Variants in NUAK1 observed in about 807,000 individuals in gnomAD.
The protein encoded by NUAK1 is NUAK family SNF1-like kinase 1.
A neutral mutation model predicts 56.9 loss-of-function variants in NUAK1; 26 were observed. That is an observed-to-expected ratio of 0.46 (90% CI 0.33 to 0.63). NUAK1 has a LOEUF of 0.63. Ranked by LOEUF, NUAK1 falls within the 30% of genes least tolerant of loss-of-function variation. The pLI, the probability that NUAK1 is intolerant of heterozygous loss-of-function variation, is 0.02. For synonymous variants in NUAK1, 337 were observed against 336.0 expected (o/e 1.00, Z -0.03); for missense variants, 727 against 876.1 (o/e 0.83, Z 2.15).
intron 1 of NUAK1, among the ~76,000 whole-genome samples, chr12:106,113,739 T>G (rs1453438891): frequency 6.6e-6 from 1 of 150,894 alleles, no homozygotes; most frequent in Non-Finnish European, 1.5e-5. Context: ...AAACACAGGC[T>G]TCCTTGAGGG....
At chr12:106,074,136 T>C (rs2032437939) in intron 4 of NUAK1, among the ~76,000 whole-genome samples, 2 of 152,178 alleles carry the variant, frequency 1.3e-5, no homozygotes, top group Admixed American at 6.5e-5. Context: ...CCTCCCCTTA[T>C]CTTTGTATCA....
At chr12:106,099,980 C>T (rs369111713) in intron 2 of NUAK1, among the ~76,000 whole-genome samples, 6 of 148,312 alleles carry the variant, frequency 4.0e-5, no homozygotes, top group African/African-American at 1.5e-4. Context: ...TTGGTAGAGA[C>T]GGGGTTTCAC....
Position 106,063,377 on chromosome 12 carries a change from T to C in NUAK1, c.*3425A>G, listed in dbSNP as rs1410329451. 1.3e-5 allele frequency: 2 copies of C among 152,220 alleles called. No individual in the cohort carries two copies. Among genetic ancestry groups the C allele is most frequent in the East Asian group, 3.9e-4 (2 of 5,180 alleles). 9.4% of individuals were successfully genotyped at this position (152,220 alleles called of 1,614,324 possible). A position where few individuals can be genotyped will look rare whatever the true frequency, so the allele number is the denominator to read the frequency against. On this transcript the variant is annotated 3_prime_UTR_variant, in exon 7 of 7. Transcript: ENST00000261402. ...CATTGCAATTTATTTAATTTAAAAATAAAAACAGAAACAAAAACCAAAATG... is the reference window on the plus strand; with the variant it reads ...CATTGCAATTTATTTAATTTAAAAACAAAAACAGAAACAAAAACCAAAATG...
chr12:106,083,777 T>G, intron 4 of NUAK1, 87 bp downstream of exon 4: 1 of 1,185,994 alleles, frequency 8.4e-7, no homozygotes, highest in Admixed American at 1.8e-5. Context: ...CTGCCTTATT[T>G]CCAGGCTGCG....
At chr12:106,088,535 G>A (rs1039643677) in intron 2 of NUAK1, among the ~76,000 whole-genome samples, 1 of 152,158 alleles carries the variant, frequency 6.6e-6, no homozygotes, top group Admixed American at 6.5e-5. Context: ...AAAAACTATA[G>A]TGTTGGAATG....
At chr12:106,118,286 C>T (rs2032939635) in intron 1 of NUAK1, among the ~76,000 whole-genome samples, 1 of 152,212 alleles carries the variant, frequency 6.6e-6, no homozygotes, top group Admixed American at 6.5e-5. Flanking sequence ...CCCCAAGTTT[C>T]CACAGGTCAC....
intron 1 of NUAK1, among the ~76,000 whole-genome samples, chr12:106,126,858 T>C (rs77479113): frequency 0.014 from 2,151 of 152,184 alleles, 48 homozygotes; most frequent in African/African-American, 0.048. Flanking sequence ...CACAGGGAGA[T>C]CCTGAGAGCA....
At chr12:106,106,605 TAC>T (rs1282862711) in intron 1 of NUAK1, 80 bp from the exon 2 acceptor site, 1 of 1,428,638 alleles carries the variant, frequency 7.0e-7, no homozygotes, top group Non-Finnish European at 9.5e-7. Flanking sequence ...GGAAAATAAA[TAC>T]AGATGTTACT....
intron 2 of NUAK1, among the ~76,000 whole-genome samples, chr12:106,099,722 G>A (rs1419523308): frequency 1.3e-5 from 2 of 152,120 alleles, no homozygotes; most frequent in Non-Finnish European, 2.9e-5. Flanking sequence ...GGTTAAGTGA[G>A]ATAGTACATG....
chr12:106,131,167 C>A (rs530387404), intron 1 of NUAK1, among the ~76,000 whole-genome samples: 2 of 152,276 alleles, frequency 1.3e-5, no homozygotes, highest in South Asian at 2.1e-4. Context: ...CTGAGCCCCC[C>A]CCTTTTTAAG....
intron 2 of NUAK1, among the ~76,000 whole-genome samples, chr12:106,101,442 A>C (rs2032746928): frequency 6.6e-6 from 1 of 152,172 alleles, no homozygotes; most frequent in African/African-American, 2.4e-5. Context: ...AGATAAGTTA[A>C]AATGAGGTCC....
At chr12:106,072,925 C>T (rs1160600229) in intron 4 of NUAK1, 82 bp from the exon 5 acceptor site, 5 of 1,518,148 alleles carry the variant, frequency 3.3e-6, no homozygotes, top group Non-Finnish European at 4.5e-6. Context: ...CCACACAGCA[C>T]ACAGAGTGGA....
At chr12:106,079,697 A>C (rs986241887) in intron 4 of NUAK1, among the ~76,000 whole-genome samples, 11 of 152,226 alleles carry the variant, frequency 7.2e-5, no homozygotes, top group African/African-American at 2.4e-4. Context: ...CTCATCCTGC[A>C]TGGATTTTCT....
chr12:106,074,527 C>A (rs2032441368), intron 4 of NUAK1, among the ~76,000 whole-genome samples: 1 of 152,114 alleles, frequency 6.6e-6, no homozygotes, highest in African/African-American at 2.4e-5. Context: ...GCAATATAAA[C>A]CCCCGTGTCT....
At chr12:106,116,258 C>T (rs2032916218) in intron 1 of NUAK1, among the ~76,000 whole-genome samples, 2 of 152,120 alleles carry the variant, frequency 1.3e-5, no homozygotes, top group African/African-American at 4.8e-5. Flanking sequence ...CAACCTAAAC[C>T]CCAGCCATCT....
At chr12:106,135,137 T>C (rs2033117227) in intron 1 of NUAK1, among the ~76,000 whole-genome samples, 2 of 152,208 alleles carry the variant, frequency 1.3e-5, no homozygotes, top group South Asian at 2.1e-4. Flanking sequence ...ATTTTACCGA[T>C]GAAGAAGCTG....
In NUAK1 at chr12:106,066,926, C is replaced by T. The variant is rs374349573; in HGVS notation, c.1862G>A (p.Arg621Gln). The change falls in exon 7 of 7, where the codon CGG (arginine) becomes CAG (glutamine). Residue 621 changes from arginine (R) to glutamine (Q), a missense_variant. By Grantham distance (43) the Arg-to-Gln change is conservative (BLOSUM62 1). Transcript: ENST00000261402. The part of the protein sequence containing the change: ...QDFEGLQNRP[R>Q]PQYLKRYRNR... ...CCGGTACCGCTTCAGGTACTGGGGC[C>T]GGGGCCGGTTCTGGAGCCCCTCAAA... 29 of 1,614,014 alleles carry T rather than the reference C, an allele frequency of 1.8e-5. No individual in the cohort carries two copies. The highest frequency in any genetic ancestry group is 1.6e-4 in the Middle Eastern group (1 of 6,082).
At chr12:106,118,130 A>G (rs2032937272) in intron 1 of NUAK1, among the ~76,000 whole-genome samples, 1 of 152,198 alleles carries the variant, frequency 6.6e-6, no homozygotes, top group African/African-American at 2.4e-5. Context: ...TAAGACCACA[A>G]ATCCATGGAG....
At chr12:106,078,826 C>T (rs976218840) in intron 4 of NUAK1, among the ~76,000 whole-genome samples, 3 of 152,248 alleles carry the variant, frequency 2.0e-5, no homozygotes, top group African/African-American at 7.2e-5. Context: ...TCACAGCACA[C>T]AGCCCTGGCA....
Sources: allele counts gnomAD v4.1 joint callset (sites outside exome capture counted in the v4.1 genomes callset), GRCh38; gene constraint gnomAD v4.1.1; transcripts MANE v1.5; gene names NCBI Gene and HGNC (gene_info 2026-07-23, HGNC 2026-07-21).